Variants in PLA2G4A observed in about 807,000 individuals in gnomAD.
PLA2G4A encodes cytosolic phospholipase A2.
In PLA2G4A, 40 loss-of-function variants were observed where a neutral mutation model predicts 81.9. That is an observed-to-expected ratio of 0.49 (90% CI 0.38 to 0.64). PLA2G4A has a LOEUF of 0.64. PLA2G4A is among the 30% of genes least tolerant of loss of function. The pLI, the probability that PLA2G4A is intolerant of heterozygous loss-of-function variation, is 0.00. For synonymous variants in PLA2G4A, 302 were observed against 296.9 expected (o/e 1.02, Z -0.18); for missense variants, 715 against 905.1 (o/e 0.79, Z 2.69).
chr1:186,922,955 G>A (rs1020852532), intron 7 of PLA2G4A, among the ~76,000 whole-genome samples: 3 of 152,174 alleles, frequency 2.0e-5, no homozygotes, highest in South Asian at 4.1e-4. Context: ...TCTATACAAT[G>A]TCTGTAATCT....
At chr1:186,943,624 A>T (rs974350656) in intron 10 of PLA2G4A, among the ~76,000 whole-genome samples, 2 of 152,188 alleles carry the variant, frequency 1.3e-5, no homozygotes, top group African/African-American at 4.8e-5. Context: ...AGTCGAATGT[A>T]GAAGGATCTA....
At chr1:186,962,893 A>G (rs1391288318) in intron 14 of PLA2G4A, among the ~76,000 whole-genome samples, 1 of 152,226 alleles carries the variant, frequency 6.6e-6, no homozygotes, top group Non-Finnish European at 1.5e-5. Flanking sequence ...CTAAAGTAAT[A>G]GTGTCACACC....
intron 3 of PLA2G4A, among the ~76,000 whole-genome samples, chr1:186,873,962 G>A (rs1221804809): frequency 6.6e-6 from 1 of 152,068 alleles, no homozygotes; most frequent in African/African-American, 2.4e-5. Flanking sequence ...CAGTTCATAG[G>A]AAGAGGCAGT....
intron 15 of PLA2G4A, among the ~76,000 whole-genome samples, chr1:186,975,459 T>G (rs1657498139): frequency 6.6e-6 from 1 of 152,232 alleles, no homozygotes. Context: ...TATTTTTCTC[T>G]GAATGTAAGC....
chr1:186,981,337 C>G (rs796545301), intron 17 of PLA2G4A, among the ~76,000 whole-genome samples: 11 of 152,212 alleles, frequency 7.2e-5, no homozygotes, highest in African/African-American at 2.6e-4. Flanking sequence ...TATATAAAGT[C>G]TGCTAAACAA....
At chr1:186,885,067 G>A (rs1653885020) in intron 3 of PLA2G4A, among the ~76,000 whole-genome samples, 1 of 151,918 alleles carries the variant, frequency 6.6e-6, no homozygotes. Context: ...AAGGACTTGG[G>A]GTATAAAGAC....
intron 2 of PLA2G4A, among the ~76,000 whole-genome samples, chr1:186,866,182 C>A (rs1653020628): frequency 6.6e-6 from 1 of 152,010 alleles, no homozygotes; most frequent in Admixed American, 6.6e-5. Flanking sequence ...CTAGTGCAGT[C>A]TGGACTAGTT....
chr1:186,867,529 C>T (rs1653075691), intron 2 of PLA2G4A, among the ~76,000 whole-genome samples: 2 of 151,822 alleles, frequency 1.3e-5, no homozygotes, highest in South Asian at 4.2e-4. Context: ...AAGCAATTGA[C>T]TTTTGTGTAT....
chr1:186,872,515 C>T (rs934619439), intron 3 of PLA2G4A, among the ~76,000 whole-genome samples: 8 of 151,934 alleles, frequency 5.3e-5, no homozygotes, highest in Admixed American at 3.9e-4. Context: ...GCAATCCCCC[C>T]ACCCCTTTTT....
At chr1:186,879,459 G>C (rs902942384) in intron 3 of PLA2G4A, among the ~76,000 whole-genome samples, 1 of 151,940 alleles carries the variant, frequency 6.6e-6, no homozygotes, top group Non-Finnish European at 1.5e-5. Context: ...ACTTTATGGA[G>C]TGTGTAATTT....
At position 186,939,142 on chromosome 1, in the gene PLA2G4A, A is replaced by T. The variant is rs1244857580; in HGVS notation, c.830A>T (p.Glu277Val). 1.2e-6 allele frequency: 2 copies of T among 1,609,850 alleles called. No individual in the cohort carries two copies. Among genetic ancestry groups the T allele is most frequent in the Non-Finnish European group, 1.7e-6 (2 of 1,176,256 alleles). The stretch of plus-strand genomic sequence containing the variant: ...CCACAGAAAGTTAAAAGATATGTTG[A>T]GTCTTTATGGAAGAAGAAAAGCTCT... ...LTPQKVKRYV[E>V]SLWKKKSSGQ... Residue 277 changes from glutamate (E) to valine (V), a missense_variant, in exon 9 of 18, where the codon GAG (glutamate) becomes GTG (valine). By Grantham distance (121) the Glu-to-Val change is moderately radical. Coordinates refer to ENST00000367466, the MANE Select transcript of PLA2G4A (RefSeq NM_024420.3).
At chr1:186,863,789 C>T (rs1442576210) in intron 2 of PLA2G4A, among the ~76,000 whole-genome samples, 7 of 146,890 alleles carry the variant, frequency 4.8e-5, no homozygotes, top group African/African-American at 7.6e-5. Flanking sequence ...GGGACAGAGT[C>T]TCCCTCTTTT....
chr1:186,867,647 CAA>C lies in PLA2G4A; in HGVS notation c.34-2786_34-2785del, dbSNP rs1653080219. Among the ~76,000 whole-genome samples the C allele has an allele frequency of 2.6e-5, 4 of 152,008 alleles. No homozygotes were observed. The South Asian group carries it at 8.3e-4, about 32-fold the overall frequency. ...CATAGACGTTCATGTTATCTGTAAA[CAA>C]AGTTTTATTTCTTCATTCTCAATCT... On this transcript the variant is annotated intron_variant, in intron 2 of 17. Coordinates refer to ENST00000367466, the MANE Select transcript of PLA2G4A (RefSeq NM_024420.3).
intron 2 of PLA2G4A, among the ~76,000 whole-genome samples, chr1:186,870,066 A>G (rs1571350494): frequency 6.6e-6 from 1 of 152,340 alleles, no homozygotes; most frequent in East Asian, 1.9e-4. Flanking sequence ...ACAACAACAA[A>G]CGAATCTAGA....
intron 14 of PLA2G4A, among the ~76,000 whole-genome samples, chr1:186,960,422 C>T (rs976507421): frequency 6.6e-6 from 1 of 152,188 alleles, no homozygotes; most frequent in Non-Finnish European, 1.5e-5. Context: ...GTTTCCACAA[C>T]CGCATTAATT....
chr1:186,953,693 C>A (rs188219965), intron 13 of PLA2G4A, among the ~76,000 whole-genome samples: 1 of 152,060 alleles, frequency 6.6e-6, no homozygotes, highest in Non-Finnish European at 1.5e-5. Context: ...TTGTAAAGGG[C>A]GATGCAAATA....
intron 17 of PLA2G4A, among the ~76,000 whole-genome samples, chr1:186,985,153 T>C (rs10752988): frequency 0.45 from 68,520 of 151,966 alleles, 18,307 homozygotes; most frequent in Non-Finnish European, 0.59. Context: ...CCATCCTCAG[T>C]CTTTTCATAT....
intron 1 of PLA2G4A, among the ~76,000 whole-genome samples, chr1:186,853,985 A>C (rs900002516): frequency 1.3e-5 from 2 of 151,990 alleles, no homozygotes; most frequent in Non-Finnish European, 2.9e-5. Flanking sequence ...AGTTTCCGTA[A>C]TTTCAACATA....
chr1:186,879,643 T>C (rs1653651565), intron 3 of PLA2G4A, among the ~76,000 whole-genome samples: 1 of 151,920 alleles, frequency 6.6e-6, no homozygotes. Context: ...CCTACTATTA[T>C]TTATGAAGCT....
Sources: gnomAD v4.1 joint callset for allele counts (sites outside exome capture counted in the v4.1 genomes callset) on GRCh38, gnomAD v4.1.1 for gene constraint, MANE v1.5 for transcripts, NCBI Gene and HGNC (gene_info 2026-07-23, HGNC 2026-07-21) for gene names.